The following DENND1B variants were observed in gnomAD, a reference collection of about 807,000 sequenced individuals.
The protein encoded by DENND1B is DENN domain-containing protein 1B.
A neutral mutation model predicts 90.1 loss-of-function variants in DENND1B; 59 were observed. That is an observed-to-expected ratio of 0.65 (90% confidence interval 0.53 to 0.81). The LOEUF (loss-of-function observed/expected upper bound fraction) is 0.81. Among genes scored for constraint, DENND1B ranks in the 40% least tolerant of loss-of-function variants. The pLI, the probability that DENND1B is intolerant of heterozygous loss-of-function variation, is 0.00. For synonymous variants in DENND1B, 337 were observed against 324.6 expected (o/e 1.04, Z -0.41); for missense variants, 862 against 912.6 (o/e 0.94, Z 0.71).
In DENND1B at chr1:197,525,532, C is replaced by T. The variant is rs1267665598; in HGVS notation, c.1516-12579G>A. 2.0e-5 allele frequency among the ~76,000 whole-genome samples: 3 copies of T among 152,158 alleles called. No homozygotes were observed. In the East Asian group the frequency reaches 5.8e-4, roughly 29 times the overall value. On this transcript the variant is annotated intron_variant, in intron 20 of 22. Transcript: ENST00000620048. ...ATCAGTAAGACACAGAATTCAGTTC[C>T]TCTCACTAACTAATGTGAAGATGAC...
At chr1:197,768,235 C>A (rs1655959899) in intron 2 of DENND1B, among the ~76,000 whole-genome samples, 1 of 151,484 alleles carries the variant, frequency 6.6e-6, no homozygotes, top group Non-Finnish European at 1.5e-5. Context: ...TCCTCCTTCT[C>A]TTCCTCCTCC....
chr1:197,539,881 G>T, intron 20 of DENND1B, 83 bp downstream of exon 20: 1 of 1,150,416 alleles, frequency 8.7e-7, no homozygotes, highest in South Asian at 1.4e-5. Context: ...AAAAATTAGT[G>T]GATCCAAATT....
intron 2 of DENND1B, among the ~76,000 whole-genome samples, chr1:197,737,467 T>C (rs1330935332): frequency 2.0e-5 from 3 of 152,190 alleles, no homozygotes; most frequent in Admixed American, 6.5e-5. Context: ...TAAACACTTG[T>C]GGACATCTGT....
At chr1:197,610,068 T>C (rs1677042457) in intron 12 of DENND1B, among the ~76,000 whole-genome samples, 2 of 150,806 alleles carry the variant, frequency 1.3e-5, no homozygotes, top group Admixed American at 6.6e-5. Flanking sequence ...TGATATCCAA[T>C]TGTTTTAAAA....
At chr1:197,761,373 A>G (rs533151326) in intron 2 of DENND1B, among the ~76,000 whole-genome samples, 6 of 152,274 alleles carry the variant, frequency 3.9e-5, no homozygotes, top group African/African-American at 1.4e-4. Context: ...TGAAGAAGAA[A>G]AAAAAAGAAT....
chr1:197,650,777 A>C (rs1302854571), intron 7 of DENND1B, among the ~76,000 whole-genome samples: 1 of 152,226 alleles, frequency 6.6e-6, no homozygotes, highest in Non-Finnish European at 1.5e-5. Context: ...GGAAAAATCA[A>C]ATATCGTATG....
At chr1:197,564,636 C>T (rs1672472038) in intron 15 of DENND1B, among the ~76,000 whole-genome samples, 1 of 151,822 alleles carries the variant, frequency 6.6e-6, no homozygotes, top group Admixed American at 6.6e-5. Context: ...TGGAACTGAA[C>T]CCACACTATC....
chr1:197,680,398 AT>A (rs139836059), intron 3 of DENND1B, among the ~76,000 whole-genome samples: 15 of 152,338 alleles, frequency 9.8e-5, no homozygotes, highest in Admixed American at 3.3e-4. Flanking sequence ...ATACTAATGT[AT>A]TTTTAAATGA....
intron 10 of DENND1B, among the ~76,000 whole-genome samples, chr1:197,627,660 A>T (rs4512681): frequency 0.78 from 117,587 of 151,668 alleles, 45,787 homozygotes; most frequent in Admixed American, 0.8. Flanking sequence ...TTCAACATAG[A>T]GTTGGAAGTT....
At chr1:197,617,872 A>G in intron 10 of DENND1B, 113 bp from the exon 11 acceptor site, 1 of 714,888 alleles carries the variant, frequency 1.4e-6, no homozygotes. Flanking sequence ...ACATAACTAC[A>G]TAAATCACAT....
intron 10 of DENND1B, among the ~76,000 whole-genome samples, chr1:197,627,202 A>T (rs2125886461): frequency 6.6e-6 from 1 of 152,248 alleles, no homozygotes; most frequent in Non-Finnish European, 1.5e-5. Flanking sequence ...TCCTGATACC[A>T]AAGCCGGGCA....
intron 2 of DENND1B, among the ~76,000 whole-genome samples, chr1:197,724,721 T>G (rs1433052792): frequency 6.6e-6 from 1 of 152,034 alleles, no homozygotes; most frequent in East Asian, 1.9e-4. Flanking sequence ...ACAGCATATA[T>G]TGTAAGGATA....
At chr1:197,781,630 A>T in the DENND1B span, among the ~76,000 whole-genome samples, 26 of 152,306 alleles carry the variant, frequency 1.7e-4, 1 homozygote, top group African/African-American at 6.3e-4. Context: ...TAAAGAGAAG[A>T]TGGAGGTGGG....
intron 15 of DENND1B, among the ~76,000 whole-genome samples, chr1:197,557,571 T>A (rs1382875270): frequency 1.3e-5 from 2 of 151,910 alleles, no homozygotes; most frequent in African/African-American, 4.8e-5. Flanking sequence ...TTGCAAACAA[T>A]CCTGTCAGTG....
At chr1:197,570,545 AG>A (rs919476658) in intron 15 of DENND1B, among the ~76,000 whole-genome samples, 4 of 152,140 alleles carry the variant, frequency 2.6e-5, no homozygotes, top group African/African-American at 9.6e-5. Flanking sequence ...GATAGAACTG[AG>A]GGCATGTTTA....
chr1:197,741,430 T>C (rs1558467376), intron 2 of DENND1B, among the ~76,000 whole-genome samples: 1 of 152,194 alleles, frequency 6.6e-6, no homozygotes, highest in African/African-American at 2.4e-5. Flanking sequence ...ACAAATATAC[T>C]TTTAAAATTC....
intron 13 of DENND1B, among the ~76,000 whole-genome samples, chr1:197,600,628 A>T (rs1676119648): frequency 6.6e-6 from 1 of 151,880 alleles, no homozygotes; most frequent in Non-Finnish European, 1.5e-5. Context: ...AAGAATGAGT[A>T]TTCAGGTATT....
intron 13 of DENND1B, among the ~76,000 whole-genome samples, chr1:197,599,271 T>C (rs111602645): frequency 0.017 from 2,620 of 151,888 alleles, 83 homozygotes; most frequent in African/African-American, 0.06. Flanking sequence ...AGTAACAGAT[T>C]TTTTCTTTTA....
intron 21 of DENND1B, 92 bp from the exon 22 acceptor site, chr1:197,512,036 A>C (rs1414882087): frequency 4.4e-6 from 4 of 912,414 alleles, no homozygotes; most frequent in African/African-American, 1.7e-5. Flanking sequence ...TTAATGAGAG[A>C]GTTAACAACA....
Sources: gnomAD v4.1 joint callset for allele counts (sites outside exome capture counted in the v4.1 genomes callset) on GRCh38, gnomAD v4.1.1 for gene constraint, MANE v1.5 for transcripts, NCBI Gene and HGNC (gene_info 2026-07-23, HGNC 2026-07-21) for gene names.